THSD7B: variants seen among roughly 807,000 people sequenced by gnomAD.
THSD7B encodes the protein thrombospondin type 1 domain containing 7B.
In THSD7B, 138 loss-of-function variants were observed where a neutral mutation model predicts 213.6. That is an observed-to-expected ratio of 0.65 (90% CI 0.56 to 0.74). The LOEUF (loss-of-function observed/expected upper bound fraction) is 0.74, where lower values mean the gene tolerates loss of function less well. Ranked by LOEUF, THSD7B falls within the 30% of genes least tolerant of loss-of-function variation. The probability of loss-of-function intolerance (pLI) is 0.00; values close to 1 mark genes in which losing one functional copy is unlikely to be tolerated. For synonymous variants in THSD7B, 742 were observed against 687.0 expected (o/e 1.08, Z -1.25); for missense variants, 1,931 against 1,991.5 (o/e 0.97, Z 0.58).
intron 15 of THSD7B, among the ~76,000 whole-genome samples, chr2:137,487,396 A>AAAAAAAAAAAAAAC (rs757398774): frequency 2.5e-5 from 3 of 120,980 alleles, no homozygotes; most frequent in South Asian, 2.7e-4. Context: ...AAAAAAAAAA[A>AAAAAAAAAAAAAAC]AAAGAACTAG....
chr2:137,315,432 G>C (rs530187975), intron 12 of THSD7B, among the ~76,000 whole-genome samples: 4 of 152,180 alleles, frequency 2.6e-5, no homozygotes, highest in African/African-American at 9.6e-5. Flanking sequence ...AGATGAACCC[G>C]ATACCTCAGA....
At chr2:137,557,937 C>A (rs1242739997) in intron 15 of THSD7B, among the ~76,000 whole-genome samples, 2 of 152,180 alleles carry the variant, frequency 1.3e-5, no homozygotes, top group African/African-American at 4.8e-5. Flanking sequence ...ATAAACACCT[C>A]TATGCAAATA....
At chr2:137,620,320 G>A (rs1005860910) in intron 19 of THSD7B, among the ~76,000 whole-genome samples, 14 of 152,150 alleles carry the variant, frequency 9.2e-5, no homozygotes, top group African/African-American at 3.1e-4. Flanking sequence ...CTTGCTGATT[G>A]AGCAACAGGA....
intron 1 of THSD7B, among the ~76,000 whole-genome samples, chr2:136,775,761 A>G (rs1396387891): frequency 6.6e-6 from 1 of 152,138 alleles, no homozygotes; most frequent in Admixed American, 6.6e-5. Context: ...TATAAGCTGC[A>G]GAGGTGAAGC....
intron 5 of THSD7B, among the ~76,000 whole-genome samples, chr2:137,153,153 A>G (rs1679849991): frequency 6.6e-6 from 1 of 152,178 alleles, no homozygotes; most frequent in Admixed American, 6.5e-5. Context: ...TTCCTTAATT[A>G]TGTAATTGGT....
chr2:137,562,398 G>C (rs1558840587), intron 15 of THSD7B, among the ~76,000 whole-genome samples: 1 of 152,020 alleles, frequency 6.6e-6, no homozygotes. Flanking sequence ...CAATTGAAAT[G>C]CAGCCACAAA....
chr2:137,103,436 G>T (rs1463476637), intron 4 of THSD7B, among the ~76,000 whole-genome samples: 1 of 152,038 alleles, frequency 6.6e-6, no homozygotes, highest in Admixed American at 6.6e-5. Flanking sequence ...AACATACCAA[G>T]TTGTAAAGAC....
chr2:137,649,017 T>C (rs917244721), intron 21 of THSD7B, among the ~76,000 whole-genome samples: 1 of 152,214 alleles, frequency 6.6e-6, no homozygotes, highest in African/African-American at 2.4e-5. Context: ...TTCTGATAAG[T>C]ACTAATGTTG....
chr2:136,900,473 C>A (rs1684044445), intron 2 of THSD7B, among the ~76,000 whole-genome samples: 1 of 152,002 alleles, frequency 6.6e-6, no homozygotes, highest in East Asian at 1.9e-4. Context: ...CACACACACA[C>A]CACACAACAA....
At chr2:136,948,768 A>G (rs1684986311) in intron 2 of THSD7B, among the ~76,000 whole-genome samples, 1 of 152,170 alleles carries the variant, frequency 6.6e-6, no homozygotes, top group African/African-American at 2.4e-5. Context: ...TTTAATTCTC[A>G]CCACAATTCT....
At chr2:137,142,742 C>G (rs1362349081) in intron 5 of THSD7B, among the ~76,000 whole-genome samples, 1 of 152,040 alleles carries the variant, frequency 6.6e-6, no homozygotes, top group Non-Finnish European at 1.5e-5. Flanking sequence ...TGCCTTGCTT[C>G]TAACTTAAAT....
intron 6 of THSD7B, among the ~76,000 whole-genome samples, chr2:137,161,788 A>G (rs1680024780): frequency 6.6e-6 from 1 of 152,170 alleles, no homozygotes; most frequent in South Asian, 2.1e-4. Flanking sequence ...CAGTCTTATG[A>G]TCTACACATA....
intron 17 of THSD7B, among the ~76,000 whole-genome samples, chr2:137,590,084 C>T (rs1681831667): frequency 6.6e-6 from 1 of 151,990 alleles, no homozygotes; most frequent in Admixed American, 6.6e-5. Flanking sequence ...ACCTGTGCTT[C>T]ACTTTTCATA....
chr2:137,626,399 G>T (rs1682630636), intron 20 of THSD7B, among the ~76,000 whole-genome samples: 4 of 150,948 alleles, frequency 2.6e-5, no homozygotes, highest in African/African-American at 9.8e-5. Context: ...CGGAGGCGGA[G>T]CTTGCAGTGA....
chr2:137,644,602 G>C (rs1384326204), intron 21 of THSD7B, among the ~76,000 whole-genome samples: 1 of 152,144 alleles, frequency 6.6e-6, no homozygotes, highest in East Asian at 1.9e-4. Flanking sequence ...TTGTGAGATA[G>C]GTAACACCAT....
chr2:137,061,054 A>AT (rs1558904173), intron 3 of THSD7B, among the ~76,000 whole-genome samples: 1 of 151,816 alleles, frequency 6.6e-6, no homozygotes. Context: ...AAAAAAATAT[A>AT]TCTTGTACAT....
intron 1 of THSD7B, among the ~76,000 whole-genome samples, chr2:136,869,516 TC>T (rs1160380035): frequency 1.3e-5 from 2 of 152,336 alleles, no homozygotes; most frequent in East Asian, 3.9e-4. Context: ...CCTGACAACA[TC>T]TTTTATTGAA....
intron 21 of THSD7B, 34 bp downstream of exon 21, chr2:137,642,667 A>G: frequency 3.1e-6 from 5 of 1,609,558 alleles, no homozygotes; most frequent in Non-Finnish European, 4.2e-6. Flanking sequence ...AGAAATATTC[A>G]TCAGTATATT....
At chr2:137,036,141 G>T (rs984979545) in intron 2 of THSD7B, among the ~76,000 whole-genome samples, 1 of 152,110 alleles carries the variant, frequency 6.6e-6, no homozygotes, top group Admixed American at 6.5e-5. Context: ...CATGAATGCT[G>T]CAATTCTTAG....
Sources: gnomAD v4.1 joint callset for allele counts (sites outside exome capture counted in the v4.1 genomes callset) on GRCh38, gnomAD v4.1.1 for gene constraint, MANE v1.5 for transcripts, NCBI Gene and HGNC (gene_info 2026-07-23, HGNC 2026-07-21) for gene names.